Variants in NUMA1 observed in about 807,000 individuals in gnomAD.
NUMA1 encodes the protein nuclear mitotic apparatus protein 1, also known as SP-H antigen.
In NUMA1, 62 loss-of-function variants were observed where a neutral mutation model predicts 237.1. The observed-to-expected ratio is 0.26, with a 90% confidence interval of 0.21 to 0.32. The LOEUF (loss-of-function observed/expected upper bound fraction) is 0.32, where lower values mean the gene tolerates loss of function less well. Ranked by LOEUF, NUMA1 falls within the 10% of genes least tolerant of loss-of-function variation. NUMA1 has a pLI of 1.00. For missense variants in NUMA1, 2,533 were observed against 2,666.5 expected, an observed-to-expected ratio of 0.95 and a Z score of 1.10; for synonymous variants, 1,028 against 1,066.1, an observed-to-expected ratio of 0.96 and a Z score of 0.70.
At chr11:72,031,064 G>A (rs746561745) in intron 3 of NUMA1, among the ~76,000 whole-genome samples, 20 of 151,650 alleles carry the variant, frequency 1.3e-4, no homozygotes, top group Non-Finnish European at 2.5e-4. Flanking sequence ...CTGAGGTAGG[G>A]GGACTGCTTG....
chr11:72,008,160 G>GTAAA, intron 20 of NUMA1: 1 of 476,898 alleles, frequency 2.1e-6, no homozygotes, highest in Non-Finnish European at 4.2e-6. Context: ...CACAAAATAA[G>GTAAA]TAAATGTAAG....
At chr11:72,048,054 T>C (rs915006637) in intron 2 of NUMA1, 9 of 152,146 alleles carry the variant, frequency 5.9e-5, no homozygotes, top group African/African-American at 2.2e-4. Flanking sequence ...CGTGATCTAG[T>C]CATGTAAGTA....
At chr11:72,071,601 A>T (rs1287082764) in intron 1 of NUMA1, among the ~76,000 whole-genome samples, 1 of 152,274 alleles carries the variant, frequency 6.6e-6, no homozygotes, top group Non-Finnish European at 1.5e-5. Flanking sequence ...AATCTGAACA[A>T]GTATTATATA....
At chr11:72,040,198 CA>C (rs1348857448) in intron 2 of NUMA1, among the ~76,000 whole-genome samples, 1 of 152,142 alleles carries the variant, frequency 6.6e-6, no homozygotes, top group Non-Finnish European at 1.5e-5. Flanking sequence ...GCCTCCTCTT[CA>C]CACAGACCAC....
chr11:72,065,088 T>C (rs1943139757), intron 2 of NUMA1: 1 of 152,226 alleles, frequency 6.6e-6, no homozygotes, highest in South Asian at 2.1e-4. Flanking sequence ...GTTTTCTAAA[T>C]AGTACCATCA....
chr11:72,074,266 T>A (rs888311418), intron 1 of NUMA1, among the ~76,000 whole-genome samples: 2 of 151,580 alleles, frequency 1.3e-5, no homozygotes, highest in Non-Finnish European at 2.9e-5. Flanking sequence ...GGCAGGAGAA[T>A]CATTTGAACC....
chr11:72,018,713 C>G, intron 10 of NUMA1, 110 bp downstream of exon 10: 1 of 1,364,298 alleles, frequency 7.3e-7, no homozygotes, highest in South Asian at 1.3e-5. Flanking sequence ...ACCACAGGCC[C>G]AGGGCTGAGC....
intron 4 of NUMA1, among the ~76,000 whole-genome samples, chr11:72,026,682 T>C (rs1939634960): frequency 6.6e-6 from 1 of 152,108 alleles, no homozygotes; most frequent in African/African-American, 2.4e-5. Context: ...TTTCTCAGGG[T>C]GCCCCTTGTC....
chr11:72,072,713 T>C (rs1020601068), intron 1 of NUMA1, among the ~76,000 whole-genome samples: 1 of 152,170 alleles, frequency 6.6e-6, no homozygotes, highest in African/African-American at 2.4e-5. Flanking sequence ...CCCAAGATAC[T>C]GGCCTTTCTA....
At chr11:72,008,165 T>TGTAA (rs1189880663) in intron 20 of NUMA1, 10 of 475,360 alleles carry the variant, frequency 2.1e-5, no homozygotes, top group Non-Finnish European at 3.8e-5. Context: ...AATAAGTAAA[T>TGTAA]GTAAGTGTTT....
At chr11:72,018,151 G>T in intron 12 of NUMA1, 32 bp downstream of exon 12, 1 of 1,482,890 alleles carries the variant, frequency 6.7e-7, no homozygotes, top group Non-Finnish European at 9.4e-7. Flanking sequence ...AGCCCTGAGG[G>T]GCCTCCATGC....
chr11:72,031,895 C>T (rs372803935), intron 3 of NUMA1, among the ~76,000 whole-genome samples: 5 of 146,020 alleles, frequency 3.4e-5, no homozygotes, highest in East Asian at 2.0e-4. Flanking sequence ...TTTGGGAGGA[C>T]GAGGAGGGAG....
At position 72,003,244 on chromosome 11, in the gene NUMA1, A is replaced by G. The variant is rs1052863660; in HGVS notation, c.*283T>C. The G allele has an allele frequency of 2.0e-6, 1 of 491,058 alleles. No individual in the cohort carries two copies. The highest frequency in any genetic ancestry group is 1.9e-5 in the African/African-American group (1 of 52,018). The allele number at this position is 491,058 out of a possible 1,614,324, so 30.4% of individuals were successfully genotyped here. ...GACCCAGCCATCAAAACCAGCCTCA[A>G]ATCTGGTTGTGATGGAGAAGTGACT... On this transcript the variant is annotated 3_prime_UTR_variant, in exon 27 of 27. Coordinates refer to ENST00000393695, the MANE Select transcript of NUMA1 (RefSeq NM_006185.4).
intron 2 of NUMA1, among the ~76,000 whole-genome samples, chr11:72,056,635 T>TAAAAAAAAAAAAAAAAAAAAAAAAA (rs59248999): frequency 2.6e-5 from 2 of 76,010 alleles, no homozygotes; most frequent in African/African-American, 6.5e-5. Context: ...CCCATCTCTT[T>TAAAAAAAAAAAAAAAAAAAAAAAAA]AAAAAAAAAA....
At chr11:72,073,059 A>AAAAAAAAAAAAC (rs1943536152) in intron 1 of NUMA1, among the ~76,000 whole-genome samples, 1 of 147,282 alleles carries the variant, frequency 6.8e-6, no homozygotes, top group African/African-American at 2.5e-5. Context: ...AAAAAAAAAA[A>AAAAAAAAAAAAC]AAAAAAAAAG....
chr11:72,009,521 C>T (rs1390087056), intron 17 of NUMA1, 134 bp from the exon 18 acceptor site: 1 of 1,153,514 alleles, frequency 8.7e-7, no homozygotes, highest in Non-Finnish European at 1.2e-6. Flanking sequence ...AACCACACCA[C>T]CCCAAATACT....
At chr11:72,019,841 C>T (rs1193382374) in intron 8 of NUMA1, among the ~76,000 whole-genome samples, 2 of 152,172 alleles carry the variant, frequency 1.3e-5, no homozygotes, top group South Asian at 2.1e-4. Context: ...TCCATTTCTA[C>T]AGAGCATCAT....
intron 2 of NUMA1, among the ~76,000 whole-genome samples, chr11:72,045,809 A>T (rs79029978): frequency 0.022 from 3,356 of 152,250 alleles, 124 homozygotes; most frequent in African/African-American, 0.074. Flanking sequence ...TGGCATTATC[A>T]ATGCTCCAGA....
chr11:72,080,263 G>T (rs1944033433), intron 1 of NUMA1, 195 bp downstream of exon 1: 1 of 16,708 alleles, frequency 6.0e-5, no homozygotes. Context: ...TCCCCTTTAA[G>T]GCACCCCCCC....
Sources: gnomAD v4.1 joint callset for allele counts (sites outside exome capture counted in the v4.1 genomes callset) on GRCh38, gnomAD v4.1.1 for gene constraint, MANE v1.5 for transcripts, NCBI Gene and HGNC (gene_info 2026-07-23, HGNC 2026-07-21) for gene names.